Variants in CNTLN observed in about 807,000 individuals in gnomAD.
CNTLN encodes centlein, centrosomal protein.
Under a neutral mutation model 180.0 loss-of-function variants are expected in CNTLN, and 212 were observed. That is an observed-to-expected ratio of 1.18 (90% CI 1.05 to 1.32). The LOEUF (loss-of-function observed/expected upper bound fraction) is 1.32. CNTLN is among the 40% of genes most tolerant of loss of function. The pLI is 0.00. For synonymous variants in CNTLN, 722 were observed against 563.1 expected, an observed-to-expected ratio of 1.28 and a Z score of -3.99; for missense variants, 2,095 against 1,610.9, an observed-to-expected ratio of 1.30 and a Z score of -5.14.
rs144435879 is a variant in CNTLN at position 17,326,431 on chromosome 9, A to G, written c.1342-4201A>G. Among the ~76,000 whole-genome samples, 679 of 152,238 alleles carry G rather than the reference A, an allele frequency of 4.5e-3. 3 individuals carry two copies. The highest frequency in any genetic ancestry group is 0.015 in the African/African-American group (633 of 41,556). ...GGATTGGTTAACTTGATTTTGCTAT[A>G]CATGTAAAGCAGCCCTTAAAAAGGT... On this transcript the variant is annotated intron_variant, in intron 8 of 25. Coordinates refer to ENST00000380647, the MANE Select transcript of CNTLN (RefSeq NM_017738.4).
At chr9:17,315,701 G>A (rs1170876061) in intron 8 of CNTLN, among the ~76,000 whole-genome samples, 2 of 151,714 alleles carry the variant, frequency 1.3e-5, no homozygotes, top group Non-Finnish European at 1.5e-5. Context: ...GAACCTTGAT[G>A]TTTCCTTGAG....
chr9:17,491,482 T>C (rs946005959), intron 25 of CNTLN, among the ~76,000 whole-genome samples: 1 of 152,018 alleles, frequency 6.6e-6, no homozygotes, highest in Admixed American at 6.6e-5. Flanking sequence ...ATAACCAGAG[T>C]GTGGGTCTTT....
chr9:17,140,429 G>A (rs1818007434), intron 1 of CNTLN, among the ~76,000 whole-genome samples: 1 of 151,808 alleles, frequency 6.6e-6, no homozygotes, highest in Non-Finnish European at 1.5e-5. Flanking sequence ...GTGGGTGTAT[G>A]AGGTAATGGT....
At chr9:17,254,698 T>C in intron 5 of CNTLN, among the ~76,000 whole-genome samples, 1 of 150,838 alleles carries the variant, frequency 6.6e-6, no homozygotes, top group East Asian at 1.9e-4. Context: ...TGTAGCTTTG[T>C]AATACATTTT....
intron 8 of CNTLN, among the ~76,000 whole-genome samples, chr9:17,312,369 T>TATATAATATATATATATATATA (rs1695233107): frequency 2.3e-4 from 8 of 34,388 alleles, no homozygotes; most frequent in African/African-American, 6.3e-4. Flanking sequence ...ATATATTATA[T>TATATAATATATATATATATATA]ATATATATAT....
intron 18 of CNTLN, among the ~76,000 whole-genome samples, chr9:17,428,886 A>G (rs1829246767): frequency 6.6e-6 from 1 of 151,948 alleles, no homozygotes; most frequent in African/African-American, 2.4e-5. Flanking sequence ...AAGAACTTTA[A>G]TCATTGGATG....
intron 18 of CNTLN, among the ~76,000 whole-genome samples, chr9:17,445,063 A>G (rs75061800): frequency 0.02 from 2,987 of 152,106 alleles, 99 homozygotes; most frequent in African/African-American, 0.068. Context: ...GTAACTTTTT[A>G]TTTTATCAAA....
At chr9:17,514,347 C>T in the CNTLN span, among the ~76,000 whole-genome samples, 31 of 152,052 alleles carry the variant, frequency 2.0e-4, no homozygotes, top group Admixed American at 9.8e-4. Flanking sequence ...TCAAATAAAC[C>T]GTGACACATA....
chr9:17,452,679 G>A (rs1830853704), intron 18 of CNTLN, among the ~76,000 whole-genome samples: 1 of 152,150 alleles, frequency 6.6e-6, no homozygotes, highest in Admixed American at 6.6e-5. Context: ...ACTACATAGT[G>A]TGTGTAAAAA....
Position 17,135,297 on chromosome 9 carries a change from C to A in CNTLN, c.232C>A (p.Pro78Thr). The change falls in exon 1 of 26, where the codon CCC becomes ACC. Residue 78 changes from proline to threonine, a missense_variant. Coordinates refer to ENST00000380647, the MANE Select transcript of CNTLN (RefSeq NM_017738.4). ...GPGGAAPAHA[P>T]LLSAPMGSRR... ...TGGGGGGGCAGCTCCGGCTCATGCT[C>A]CCCTCCTCAGCGCGCCCATGGGGTC... is the stretch of plus-strand genomic sequence containing the variant. 1 of 1,601,080 alleles carries A rather than the reference C, an allele frequency of 6.2e-7. No homozygotes were observed.
intron 2 of CNTLN, among the ~76,000 whole-genome samples, chr9:17,205,456 C>G (rs951932820): frequency 6.6e-6 from 1 of 152,130 alleles, no homozygotes; most frequent in Non-Finnish European, 1.5e-5. Context: ...GAAGCAACAG[C>G]CTGGGCACCA....
Position 17,236,409 on chromosome 9 carries a change from G to A in CNTLN, c.670G>A (p.Asp224Asn). The change falls in exon 5 of 26, where the codon GAC becomes AAC. Residue 224 changes from aspartate to asparagine, a missense_variant and splice_region_variant. Asp to Asn is a conservative substitution (Grantham distance 23). Transcript: ENST00000380647. ...TTGCCCTTGTGGTACTGTTCTACAG[G>A]ACACTAAGGAGTGTGTACAGAACAA... Reference protein sequence around the residue: ...KFKDKSQEIKDTKECVQNKEE... With the variant: ...KFKDKSQEIKNTKECVQNKEE... The A allele has an allele frequency of 6.3e-7, 1 of 1,594,018 alleles. No homozygotes were observed. The highest frequency in any genetic ancestry group is 8.5e-7 in the Non-Finnish European group (1 of 1,173,212).
intron 25 of CNTLN, among the ~76,000 whole-genome samples, chr9:17,491,982 G>T (rs1833186697): frequency 1.3e-5 from 2 of 150,524 alleles, no homozygotes; most frequent in Admixed American, 1.3e-4. Flanking sequence ...TTCCTGTGTT[G>T]CACTTATAAC....
chr9:17,445,480 C>T (rs1352063477), intron 18 of CNTLN, among the ~76,000 whole-genome samples: 1 of 152,156 alleles, frequency 6.6e-6, no homozygotes, highest in Non-Finnish European at 1.5e-5. Context: ...TTCTGTTAAT[C>T]TATAACCTTA....
In CNTLN at chr9:17,170,835, G is replaced by T. The variant is rs1233528715; in HGVS notation, c.449+27459G>T. 1.1e-4 allele frequency among the ~76,000 whole-genome samples: 17 copies of T among 151,910 alleles called. No individual in the cohort carries two copies. In the East Asian group the frequency reaches 3.3e-3, roughly 29 times the overall value. On this transcript the variant is annotated intron_variant, in intron 2 of 25. Transcript: ENST00000380647. ...TATATATCTGATGGTAGTCCCATAAGATTATAATACCGTATTTTTACTGTA... is the reference window on the plus strand; with the variant it reads ...TATATATCTGATGGTAGTCCCATAATATTATAATACCGTATTTTTACTGTA...
intron 18 of CNTLN, among the ~76,000 whole-genome samples, chr9:17,449,730 G>T (rs950640187): frequency 2.0e-5 from 3 of 152,118 alleles, no homozygotes; most frequent in Non-Finnish European, 1.5e-5. Context: ...AAGTGATGTG[G>T]TTCAACAAAT....
At chr9:17,338,192 C>G (rs957921958) in intron 10 of CNTLN, among the ~76,000 whole-genome samples, 10 of 148,540 alleles carry the variant, frequency 6.7e-5, no homozygotes, top group Non-Finnish European at 1.0e-4. Context: ...CAGAGTGTCT[C>G]TCTGTCGCCC....
At chr9:17,433,943 GATA>G (rs1277699673) in intron 18 of CNTLN, among the ~76,000 whole-genome samples, 1 of 152,170 alleles carries the variant, frequency 6.6e-6, no homozygotes, top group Non-Finnish European at 1.5e-5. Flanking sequence ...TTATGGAGAT[GATA>G]ATAAGAGTTT....
At chr9:17,365,619 T>C (rs1337440125) in intron 12 of CNTLN, among the ~76,000 whole-genome samples, 1 of 152,234 alleles carries the variant, frequency 6.6e-6, no homozygotes, top group Non-Finnish European at 1.5e-5. Flanking sequence ...GTGTTATGTA[T>C]TAACATTTTT....
Sources: gnomAD v4.1 joint callset for allele counts (sites outside exome capture counted in the v4.1 genomes callset) on GRCh38, gnomAD v4.1.1 for gene constraint, MANE v1.5 for transcripts, NCBI Gene and HGNC (gene_info 2026-07-23, HGNC 2026-07-21) for gene names.